Variants in NUDC observed in about 807,000 individuals in gnomAD.
The protein encoded by NUDC is nuclear distribution C, dynein complex regulator.
A neutral mutation model predicts 45.0 loss-of-function variants in NUDC; 14 were observed. The observed-to-expected ratio is 0.31, with a 90% CI of 0.21 to 0.49. The LOEUF (loss-of-function observed/expected upper bound fraction) is 0.49, where lower values mean the gene tolerates loss of function less well. NUDC is among the 20% of genes least tolerant of loss of function. The pLI, the probability that NUDC is intolerant of heterozygous loss-of-function variation, is 0.99. For missense variants in NUDC, 323 were observed against 426.2 expected (o/e 0.76, Z 2.13); for synonymous variants, 153 against 156.7 (o/e 0.98, Z 0.17).
intron 6 of NUDC, 76 bp from the exon 7 acceptor site, chr1:26,945,314 G>C: frequency 8.2e-7 from 1 of 1,220,936 alleles, no homozygotes; most frequent in South Asian, 1.2e-5. Context: ...AGAGAGTTTG[G>C]TTGTGAAAGG....
In NUDC at chr1:26,945,670, C is replaced by T; in HGVS notation, c.928C>T (p.Gln310Ter). 1 of 1,613,678 alleles carries T rather than the reference C, an allele frequency of 6.2e-7. No individual in the cohort carries two copies. The highest frequency in any genetic ancestry group is 8.5e-7 in the Non-Finnish European group (1 of 1,179,648). Residue 310 changes from glutamine to a stop codon, truncating the protein, a stop_gained, in exon 8 of 9, where the codon CAG becomes TAG. Transcript: ENST00000321265. LOFTEE classifies it high-confidence loss of function. Reference protein sequence around the residue: ...GLPTSDEQKKQEILKKFMDQH... With the variant: ...GLPTSDEQKK The stretch of plus-strand genomic sequence containing the variant: ...GCCAACTTCAGACGAACAGAAGAAA[C>T]AGGAGATTCTGAAGAAGTGAGCAAT...
Position 26,900,266 on chromosome 1 carries a change from C to A in NUDC, c.-235C>A, listed in dbSNP as rs1264895688. On this transcript the variant is annotated 5_prime_UTR_variant, in exon 1 of 7. Coordinates refer to the NUDC transcript ENST00000435827. ...GAATTAGGGCAGAGTTAGGAGCGGC[C>A]TGCGGAGGGGCCCGCTCAGGCCGAT... 2 of 1,613,966 alleles carry A rather than the reference C, an allele frequency of 1.2e-6. No individual in the cohort carries two copies. Among genetic ancestry groups the A allele is most frequent in the Non-Finnish European group, 1.7e-6 (2 of 1,180,054 alleles).
intron 1 of NUDC, among the ~76,000 whole-genome samples, chr1:26,902,050 G>A (rs1175812767): frequency 6.6e-6 from 1 of 152,154 alleles, no homozygotes; most frequent in East Asian, 1.9e-4. Context: ...GGAAAACTAA[G>A]GCTTAAGAAA....
chr1:26,922,651 G>A (rs1158738877), intron 1 of NUDC, among the ~76,000 whole-genome samples: 1 of 152,206 alleles, frequency 6.6e-6, no homozygotes, highest in Non-Finnish European at 1.5e-5. Context: ...GTCAGGATCA[G>A]AACTCTCATT....
At chr1:26,927,947 A>G (rs531874634) in intron 2 of NUDC, among the ~76,000 whole-genome samples, 35 of 152,202 alleles carry the variant, frequency 2.3e-4, no homozygotes, top group Non-Finnish European at 4.6e-4. Context: ...AAATATATAT[A>G]TCAATATACA....
chr1:26,900,388 C>T lies in NUDC; in HGVS notation c.-113C>T, dbSNP rs766692129. The T allele has an allele frequency of 3.1e-5, 50 of 1,613,856 alleles. No individual in the cohort carries two copies. The South Asian group carries it at 4.0e-4, about 13-fold the overall frequency. On this transcript the variant is annotated 5_prime_UTR_variant, in exon 1 of 7. Coordinates refer to the NUDC transcript ENST00000435827. ...GCCGAGCGCAACACGGAGGGGATAC[C>T]GCTCACTACCAGGTAAACTGTCGCC... is the stretch of plus-strand genomic sequence containing the variant.
intron 2 of NUDC, among the ~76,000 whole-genome samples, chr1:26,938,363 G>T (rs184808042): frequency 1.3e-5 from 2 of 152,280 alleles, no homozygotes; most frequent in Non-Finnish European, 2.9e-5. Context: ...CTGGGAGAGG[G>T]GAGGGCCCTG....
At chr1:26,938,959 A>G (rs1273960851) in intron 2 of NUDC, among the ~76,000 whole-genome samples, 3 of 152,134 alleles carry the variant, frequency 2.0e-5, no homozygotes, top group Admixed American at 6.5e-5. Flanking sequence ...TGACCTGAGA[A>G]TGGGGATGAG....
intron 6 of NUDC, chr1:26,944,990 C>G: frequency 4.1e-6 from 1 of 245,464 alleles, no homozygotes; most frequent in Admixed American, 5.0e-5. Flanking sequence ...TGCAGTGAGC[C>G]GAGATGGTGC....
chr1:26,908,546 G>A (rs1453091367), intron 2 of NUDC, among the ~76,000 whole-genome samples: 1 of 152,060 alleles, frequency 6.6e-6, no homozygotes, highest in Non-Finnish European at 1.5e-5. Flanking sequence ...GATCAAGGTA[G>A]AGATTTTTCT....
At chr1:26,931,508 C>CGAGATTATA (rs2082183793) in intron 2 of NUDC, among the ~76,000 whole-genome samples, 1 of 146,220 alleles carries the variant, frequency 6.8e-6, no homozygotes, top group Non-Finnish European at 1.5e-5. Flanking sequence ...CGGTTGGGCA[C>CGAGATTATA]GGTGGCTCAC....
At chr1:26,913,407 A>AC in intron 3 of NUDC, 1 of 1,613,924 alleles carries the variant, frequency 6.2e-7, no homozygotes, top group Non-Finnish European at 8.5e-7. Flanking sequence ...CTGGGAGCTC[A>AC]CCGGGGTTGA....
At chr1:26,936,696 T>C (rs1271161088) in intron 2 of NUDC, among the ~76,000 whole-genome samples, 2 of 152,154 alleles carry the variant, frequency 1.3e-5, no homozygotes, top group African/African-American at 2.4e-5. Flanking sequence ...CTTTTTTCCT[T>C]GCAATTTGTT....
intron 2 of NUDC, among the ~76,000 whole-genome samples, chr1:26,908,381 T>C (rs1275884919): frequency 6.6e-6 from 1 of 152,188 alleles, no homozygotes; most frequent in African/African-American, 2.4e-5. Flanking sequence ...TACCACATTG[T>C]ACCGTAATTA....
Position 26,943,036 on chromosome 1 carries a change from G to A in NUDC, c.712G>A (p.Gly238Ser), listed in dbSNP as rs1367138613. ...VEESSWLIED[G>S]KVVTVHLEKI... is the part of the protein sequence containing the mutation. The stretch of plus-strand genomic sequence containing the variant: ...GGAGAGCTCGTGGCTCATTGAGGAC[G>A]GCAAGGTGGTGACTGTGCATCTGGA... Residue 238 changes from glycine (G) to serine (S), a missense_variant, in exon 6 of 9, where the codon GGC (glycine) becomes AGC (serine). Transcript: ENST00000321265. 5.6e-6 allele frequency: 9 copies of A among 1,614,108 alleles called. No individual in the cohort carries two copies. The highest frequency in any genetic ancestry group is 4.4e-5 in the South Asian group (4 of 91,070).
upstream of NUDC, among the ~76,000 whole-genome samples, chr1:26,920,838 T>C (rs1199364087): frequency 6.6e-6 from 1 of 151,186 alleles, no homozygotes; most frequent in East Asian, 1.9e-4. Context: ...CTCTGGAGGC[T>C]GAAGTGGGGA....
chr1:26,945,657 C>G lies in NUDC; in HGVS notation c.915C>G (p.Asp305Glu), dbSNP rs753889302. 5 of 1,613,826 alleles carry G rather than the reference C, an allele frequency of 3.1e-6. No individual in the cohort carries two copies. The African/African-American group carries it at 5.3e-5, about 17-fold the overall frequency. ...RQKSMGLPTS[D>E]EQKKQEILKK... Reference sequence around the variant, plus strand: ...AGTCCATGGGGCTGCCAACTTCAGACGAACAGAAGAAACAGGAGATTCTGA... The same window carrying G: ...AGTCCATGGGGCTGCCAACTTCAGAGGAACAGAAGAAACAGGAGATTCTGA... The change falls in exon 8 of 9, where the codon GAC (aspartate) becomes GAG (glutamate). Residue 305 changes from aspartate to glutamate, a missense_variant. Asp to Glu is a conservative substitution (Grantham distance 45). Coordinates refer to ENST00000321265, the MANE Select transcript of NUDC (RefSeq NM_006600.4).
intron 6 of NUDC, among the ~76,000 whole-genome samples, chr1:26,944,646 C>CA (rs35425810): frequency 0.11 from 16,571 of 151,568 alleles, 1,196 homozygotes; most frequent in African/African-American, 0.21. Flanking sequence ...AATAAAAATA[C>CA]AAAAAATTAG....
chr1:26,900,165 T>G, upstream of NUDC: 3 of 1,612,332 alleles, frequency 1.9e-6, no homozygotes, highest in Non-Finnish European at 2.5e-6. Flanking sequence ...TGGAGTAGAG[T>G]CTCGAGTGGA....
Sources: gnomAD v4.1 joint callset for allele counts (sites outside exome capture counted in the v4.1 genomes callset) on GRCh38, gnomAD v4.1.1 for gene constraint, MANE v1.5 for transcripts, NCBI Gene and HGNC (gene_info 2026-07-23, HGNC 2026-07-21) for gene names.